Variants in VPS50 observed in about 807,000 individuals in gnomAD.
The protein encoded by VPS50 is VPS50 subunit of EARP/GARPII complex.
A neutral mutation model predicts 139.7 loss-of-function variants in VPS50; 70 were observed. The ratio of observed to expected loss-of-function variants is 0.50; its 90% CI spans 0.41 to 0.61. The LOEUF is 0.61. Among genes scored for constraint, VPS50 ranks in the 20% least tolerant of loss-of-function variants. The pLI, the probability that VPS50 is intolerant of heterozygous loss-of-function variation, is 0.00. For synonymous variants in VPS50, 365 were observed against 376.7 expected, an observed-to-expected ratio of 0.97 and a Z score of 0.36; for missense variants, 921 against 1,133.7, an observed-to-expected ratio of 0.81 and a Z score of 2.69.
intron 13 of VPS50, among the ~76,000 whole-genome samples, chr7:93,293,128 G>C (rs1199872552): frequency 2.0e-5 from 3 of 152,178 alleles, no homozygotes; most frequent in East Asian, 3.9e-4. Flanking sequence ...TACCCTGCAG[G>C]GTTGTTGTAA....
At chr7:93,245,305 T>C (rs1795116120) in intron 2 of VPS50, among the ~76,000 whole-genome samples, 1 of 151,746 alleles carries the variant, frequency 6.6e-6, no homozygotes, top group Non-Finnish European at 1.5e-5. Flanking sequence ...TGGAAGGACA[T>C]TTAAAAAGCA....
intron 12 of VPS50, among the ~76,000 whole-genome samples, chr7:93,276,828 G>A (rs1430346214): frequency 6.6e-6 from 1 of 152,176 alleles, no homozygotes; most frequent in African/African-American, 2.4e-5. Context: ...TAGACTGTGA[G>A]GAAAAGAGAA....
chr7:93,346,407 A>G (rs909630464), intron 23 of VPS50, among the ~76,000 whole-genome samples: 11 of 152,184 alleles, frequency 7.2e-5, no homozygotes, highest in Non-Finnish European at 1.0e-4. Context: ...GCCCAAGGTA[A>G]TTTACAGATT....
At chr7:93,262,084 G>A (rs1795702081) in intron 9 of VPS50, among the ~76,000 whole-genome samples, 1 of 152,062 alleles carries the variant, frequency 6.6e-6, no homozygotes, top group Admixed American at 6.5e-5. Flanking sequence ...AGAGTGAGAA[G>A]CTGAAAATAA....
At chr7:93,240,822 C>T (rs1794967029) in intron 2 of VPS50, among the ~76,000 whole-genome samples, 1 of 152,082 alleles carries the variant, frequency 6.6e-6, no homozygotes, top group Non-Finnish European at 1.5e-5. Context: ...CTTTCAGGTG[C>T]CTTACCTGCT....
Position 93,348,731 on chromosome 7 carries a change from T to TTGG in VPS50, c.2230_2231insGTG (p.Phe743_Glu744insGly). On this transcript the variant is annotated inframe_insertion, in exon 24 of 28. Coordinates refer to ENST00000305866, the MANE Select transcript of VPS50 (RefSeq NM_017667.4). The stretch of plus-strand genomic sequence containing the variant: ...TTTAGGGTATTCTTGGCTGAACAGT[T>TTGG]TGAGTTCCTTCAGCCACATCTGGAT... The TTGG allele has an allele frequency of 6.2e-7, 1 of 1,612,520 alleles. No homozygotes were observed. Among genetic ancestry groups the TTGG allele is most frequent in the Non-Finnish European group, 8.5e-7 (1 of 1,178,630 alleles).
chr7:93,257,363 C>T (rs762768236), intron 5 of VPS50, 31 bp from the exon 6 acceptor site: 4 of 1,337,750 alleles, frequency 3.0e-6, no homozygotes, highest in Non-Finnish European at 3.2e-6. Context: ...AAAATACCTC[C>T]AACAATAACC....
At chr7:93,253,352 C>T (rs1795391215) in intron 3 of VPS50, among the ~76,000 whole-genome samples, 2 of 152,202 alleles carry the variant, frequency 1.3e-5, no homozygotes, top group African/African-American at 2.4e-5. Flanking sequence ...TGGTTAGTTT[C>T]CCATACTGTC....
rs931723682 is a variant in VPS50 at position 93,356,193 on chromosome 7, C to T, written c.2775+113C>T. The T allele has an allele frequency of 7.0e-5, 39 of 553,724 alleles. 1 individual carries two copies. In the East Asian group the frequency reaches 9.4e-4, roughly 13 times the overall value. The allele number at this position is 553,724 out of a possible 1,614,324, so 34.3% of individuals were successfully genotyped here. ...AGAGTGAAATATAAAGAAACATTTG[C>T]TTTTTTAATACAAACTACTTAGGTC... is the stretch of plus-strand genomic sequence containing the variant. On this transcript the variant is annotated intron_variant, in intron 27 of 27. Coordinates refer to ENST00000305866, the MANE Select transcript of VPS50 (RefSeq NM_017667.4).
chr7:93,339,717 G>A (rs967277029), intron 22 of VPS50, among the ~76,000 whole-genome samples: 2 of 152,088 alleles, frequency 1.3e-5, no homozygotes, highest in Non-Finnish European at 2.9e-5. Context: ...AACTGCAGGG[G>A]TTGTATTATA....
chr7:93,335,389 CAT>C (rs1035433462), intron 22 of VPS50, among the ~76,000 whole-genome samples: 10 of 152,258 alleles, frequency 6.6e-5, no homozygotes, highest in African/African-American at 2.4e-4. Flanking sequence ...AAAATATAGT[CAT>C]ATCACTTACC....
intron 12 of VPS50, among the ~76,000 whole-genome samples, chr7:93,291,375 T>C (rs1796643448): frequency 6.6e-6 from 1 of 152,072 alleles, no homozygotes; most frequent in Non-Finnish European, 1.5e-5. Flanking sequence ...TTTAGGATCA[T>C]GTCTTTCAAA....
intron 23 of VPS50, among the ~76,000 whole-genome samples, chr7:93,346,562 T>C (rs1584492874): frequency 1.3e-5 from 2 of 152,160 alleles, no homozygotes; most frequent in South Asian, 4.2e-4. Flanking sequence ...TCACACTACC[T>C]GACTTCAAAC....
intron 23 of VPS50, among the ~76,000 whole-genome samples, chr7:93,342,235 G>C (rs1798235105): frequency 1.3e-5 from 2 of 152,172 alleles, no homozygotes. Context: ...CTGCAAATCT[G>C]GGTCACTCCC....
rs770087064 is a variant in VPS50 at position 93,358,339 on chromosome 7, C to A, written c.2798C>A (p.Thr933Asn). The A allele has an allele frequency of 6.2e-7, 1 of 1,612,804 alleles. No individual in the cohort carries two copies. Among genetic ancestry groups the A allele is most frequent in the East Asian group, 2.2e-5 (1 of 44,846 alleles). Residue 933 changes from threonine to asparagine, a missense_variant, in exon 28 of 28, where the codon ACC (threonine) becomes AAC (asparagine). By Grantham distance (65) the Thr-to-Asn change is moderately conservative. Transcript: ENST00000305866. ...EHREYSTKQL[T>N]NLVNVCLGSH... Reference sequence around the variant, plus strand: ...CAGGAATATTCAACGAAGCAGCTGACCAATCTGGTGAATGTTTGCCTGGGA... The same window carrying A: ...CAGGAATATTCAACGAAGCAGCTGAACAATCTGGTGAATGTTTGCCTGGGA...
chr7:93,351,020 T>C (rs1023259778), intron 25 of VPS50, among the ~76,000 whole-genome samples: 1 of 152,130 alleles, frequency 6.6e-6, no homozygotes, highest in African/African-American at 2.4e-5. Flanking sequence ...AACAGAGCCA[T>C]AGATTTAAAA....
At chr7:93,263,908 A>G (rs1795762898) in intron 9 of VPS50, among the ~76,000 whole-genome samples, 1 of 152,232 alleles carries the variant, frequency 6.6e-6, no homozygotes, top group African/African-American at 2.4e-5. Context: ...TAAAAATAAT[A>G]AAAATAAAAA....
chr7:93,356,941 C>T (rs1798723807), intron 27 of VPS50, among the ~76,000 whole-genome samples: 1 of 152,156 alleles, frequency 6.6e-6, no homozygotes, highest in African/African-American at 2.4e-5. Flanking sequence ...AGAACATTCA[C>T]ATTGGCGTGA....
At chr7:93,276,561 C>T in intron 12 of VPS50, 1 of 421,978 alleles carries the variant, frequency 2.4e-6, no homozygotes, top group Non-Finnish European at 3.9e-6. Context: ...GCTTCTTTTA[C>T]CCATCTCTCT....
Sources: allele counts gnomAD v4.1 joint callset (sites outside exome capture counted in the v4.1 genomes callset), GRCh38; gene constraint gnomAD v4.1.1; transcripts MANE v1.5; gene names NCBI Gene and HGNC (gene_info 2026-07-23, HGNC 2026-07-21).